ZNF516: variants seen among roughly 807,000 people sequenced by gnomAD.
The protein encoded by ZNF516 is zinc finger protein 516.
ZNF516 carries 19 observed loss-of-function variants against 79.7 expected under a neutral mutation model. The observed-to-expected ratio is 0.24, with a 90% CI of 0.17 to 0.35. ZNF516 has a LOEUF of 0.35. ZNF516 is among the 10% of genes least tolerant of loss of function. The probability of loss-of-function intolerance (pLI) is 1.00; values close to 1 mark genes in which losing one functional copy is unlikely to be tolerated. For missense variants in ZNF516, 1,678 were observed against 1,679.5 expected, an observed-to-expected ratio of 1.00 and a Z score of 0.02; for synonymous variants, 877 against 739.5, an observed-to-expected ratio of 1.19 and a Z score of -3.02.
At chr18:76,374,765 TA>T (rs2074760328) in intron 4 of ZNF516, among the ~76,000 whole-genome samples, 1 of 152,094 alleles carries the variant, frequency 6.6e-6, no homozygotes, top group South Asian at 2.1e-4. Context: ...GCAATAGGGG[TA>T]ATCAATGACC....
chr18:76,421,127 T>C (rs888066085), intron 3 of ZNF516, among the ~76,000 whole-genome samples: 3 of 152,228 alleles, frequency 2.0e-5, no homozygotes, highest in Admixed American at 2.0e-4. Context: ...AACACCACTC[T>C]TATGCACAAT....
chr18:76,415,208 GAAAAAGAAAAGAGGA>G (rs2075417728), intron 3 of ZNF516, among the ~76,000 whole-genome samples: 1 of 151,936 alleles, frequency 6.6e-6, no homozygotes. Context: ...CTCAAAAAAA[GAAAAAGAAAAGAGGA>G]AAAAAGAAAA....
chr18:76,433,683 G>C (rs1328758921), intron 3 of ZNF516, among the ~76,000 whole-genome samples: 1 of 152,182 alleles, frequency 6.6e-6, no homozygotes, highest in Non-Finnish European at 1.5e-5. Context: ...CAGCTTGCAA[G>C]GAGGAACACC....
chr18:76,427,268 T>C (rs1026171221), intron 3 of ZNF516, among the ~76,000 whole-genome samples: 14 of 152,230 alleles, frequency 9.2e-5, no homozygotes, highest in African/African-American at 3.4e-4. Context: ...ATTTCCTATC[T>C]GTGTTTTGAG....
rs527372958 is a variant in ZNF516, at chr18:76,441,277, C to G, written c.1778G>C (p.Ser593Thr). The change falls in exon 3 of 7, where the codon AGT becomes ACT. Residue 593 changes from serine (S) to threonine (T), a missense_variant. Coordinates refer to ENST00000443185, the MANE Select transcript of ZNF516 (RefSeq NM_014643.4). ...AGGTTCAGGGGCGCCCTCCTCACCA[C>G]TGTCTTCGGCAGCCTCGTCGGCCAG... is the stretch of plus-strand genomic sequence containing the variant. Reference protein sequence around the residue: ...SGLADEAAEDSGEEGAPEPAP... With the variant: ...SGLADEAAEDTGEEGAPEPAP... The G allele has an allele frequency of 6.2e-6, 10 of 1,610,992 alleles. No individual in the cohort carries two copies. In the African/African-American group the frequency reaches 1.3e-4, roughly 21 times the overall value.
rs767625202 is a variant in ZNF516, at chr18:76,443,010, G to A, written c.45C>T (p.Pro15=). ...GGCCCCGGCCGGCCCTGGTGGGGCT[G>A]GGGCCTCGCCTCAGCTCCATCTCGG... ...REAEMELRRG[P]SPTRAGRGHE... Residue 15 remains proline (P), a synonymous_variant, in exon 3 of 7, where the codon CCC becomes CCT. Coordinates refer to ENST00000443185, the MANE Select transcript of ZNF516 (RefSeq NM_014643.4). 36 of 1,599,636 alleles carry A rather than the reference G, an allele frequency of 2.3e-5. No homozygotes were observed. Among genetic ancestry groups the A allele is most frequent in the Non-Finnish European group, 2.6e-5 (31 of 1,178,224 alleles).
At chr18:76,376,696 C>T (rs1007421857) in intron 4 of ZNF516, among the ~76,000 whole-genome samples, 1 of 152,224 alleles carries the variant, frequency 6.6e-6, no homozygotes, top group Non-Finnish European at 1.5e-5. Context: ...AACTACGCCA[C>T]CCACAGGGCA....
intron 3 of ZNF516, among the ~76,000 whole-genome samples, chr18:76,436,039 C>T (rs1379798316): frequency 6.6e-6 from 1 of 152,274 alleles, no homozygotes; most frequent in African/African-American, 2.4e-5. Flanking sequence ...AGCACCAGAG[C>T]AGTCTATGTG....
intron 3 of ZNF516, among the ~76,000 whole-genome samples, chr18:76,405,413 G>A (rs987201327): frequency 2.0e-5 from 3 of 152,162 alleles, no homozygotes; most frequent in African/African-American, 7.2e-5. Flanking sequence ...CACTCAGGAA[G>A]GGCTCAGTGA....
At position 76,370,572 on chromosome 18, in the gene ZNF516, G is replaced by A. The variant is rs755590271; in HGVS notation, c.3388C>T (p.Arg1130Trp). Residue 1130 changes from arginine to tryptophan, a missense_variant, in exon 6 of 7, where the codon CGG (arginine) becomes TGG (tryptophan). Coordinates refer to ENST00000443185, the MANE Select transcript of ZNF516 (RefSeq NM_014643.4). ...HSVVFESDGP[R>W]GSEVHTTSAD... is the part of the protein sequence containing the mutation. ...GAGGTGGTATGAACTTCAGAACCCC[G>A]AGGCCCATCGGACTCAAACACCACT... 42 of 1,605,982 alleles carry A rather than the reference G, an allele frequency of 2.6e-5. No individual in the cohort carries two copies. Among genetic ancestry groups the A allele is most frequent in the East Asian group, 1.1e-4 (5 of 44,646 alleles).
intron 1 of ZNF516, chr18:76,492,887 A>G (rs780126207): frequency 1.3e-5 from 13 of 985,620 alleles, no homozygotes; most frequent in Non-Finnish European, 1.6e-5. Flanking sequence ...GTCCACGTCT[A>G]CATCACACAT....
At chr18:76,446,905 G>A (rs929488885) in intron 2 of ZNF516, among the ~76,000 whole-genome samples, 3 of 152,180 alleles carry the variant, frequency 2.0e-5, no homozygotes, top group African/African-American at 4.8e-5. Flanking sequence ...TAGAAAAAGT[G>A]CTGAGACAGT....
In ZNF516 at chr18:76,439,303, A is replaced by T. The variant is rs118162437; in HGVS notation, c.1810+1942T>A. On this transcript the variant is annotated intron_variant, in intron 3 of 6. Coordinates refer to ENST00000443185, the MANE Select transcript of ZNF516 (RefSeq NM_014643.4). ...GAAAAGTTGGTGTTTTTAGATAGAA[A>T]GATACTGTCCTTTGGGATTACGGAA... Among the ~76,000 whole-genome samples, 850 of 152,330 alleles carry T rather than the reference A, an allele frequency of 5.6e-3. 5 individuals are homozygous for T. Among genetic ancestry groups the T allele is most frequent in the Non-Finnish European group, 6.5e-3 (441 of 68,036 alleles).
intron 3 of ZNF516, among the ~76,000 whole-genome samples, chr18:76,400,344 T>C (rs1237887138): frequency 1.3e-5 from 2 of 152,236 alleles, no homozygotes; most frequent in East Asian, 3.8e-4. Flanking sequence ...CTTTGGGTAC[T>C]GTGATGTGTG....
chr18:76,400,815 A>G (rs2075209625), intron 3 of ZNF516, among the ~76,000 whole-genome samples: 2 of 152,232 alleles, frequency 1.3e-5, no homozygotes, highest in African/African-American at 4.8e-5. Context: ...ATACCTAAGG[A>G]AAAGATCTGA....
rs181983830 is a variant in ZNF516 at position 76,362,348 on chromosome 18, G to A, written c.*150C>T. On this transcript the variant is annotated 3_prime_UTR_variant, in exon 7 of 7. Transcript: ENST00000443185. ...ATCTGCCTTCAGTTTCCACTCCAGCGCAGCGGCTCGGGATGTGAGGTGTCT... is the reference window on the plus strand; with the variant it reads ...ATCTGCCTTCAGTTTCCACTCCAGCACAGCGGCTCGGGATGTGAGGTGTCT... 6.8e-4 allele frequency: 415 copies of A among 613,434 alleles called. No individual in the cohort carries two copies. Among genetic ancestry groups the A allele is most frequent in the African/African-American group, 5.6e-3 (306 of 54,548 alleles). 38.0% of individuals were successfully genotyped at this position (613,434 alleles called of 1,614,324 possible).
At chr18:76,427,501 C>T (rs2075611087) in intron 3 of ZNF516, among the ~76,000 whole-genome samples, 1 of 152,006 alleles carries the variant, frequency 6.6e-6, no homozygotes, top group Non-Finnish European at 1.5e-5. Context: ...AGAATATATA[C>T]GAGGTTTTAC....
intron 1 of ZNF516, chr18:76,487,923 G>C (rs1380439781): frequency 2.0e-6 from 2 of 985,248 alleles, no homozygotes; most frequent in African/African-American, 3.5e-5. Context: ...CCCCAGGAGG[G>C]GAGGGAGAAG....
chr18:76,456,025 C>T (rs552095750), intron 2 of ZNF516, among the ~76,000 whole-genome samples: 1 of 152,184 alleles, frequency 6.6e-6, no homozygotes, highest in Non-Finnish European at 1.5e-5. Flanking sequence ...AGTCAGGTAT[C>T]GTCTGTAACT....
Sources: allele counts gnomAD v4.1 joint callset (sites outside exome capture counted in the v4.1 genomes callset), GRCh38; gene constraint gnomAD v4.1.1; transcripts MANE v1.5; gene names NCBI Gene and HGNC (gene_info 2026-07-23, HGNC 2026-07-21).